Variants in IQCM observed in about 807,000 individuals in gnomAD.
IQCM encodes the protein IQ domain-containing protein M.
In IQCM, 45 loss-of-function variants were observed where a neutral mutation model predicts 57.6. That is an observed-to-expected ratio of 0.78 (90% CI 0.62 to 1.00). IQCM has a LOEUF of 1.00. Ranked by LOEUF, IQCM falls within the 50% of genes least tolerant of loss-of-function variation. IQCM has a pLI of 0.00. For synonymous variants in IQCM, 148 were observed against 158.9 expected (o/e 0.93, Z 0.51); for missense variants, 468 against 511.6 (o/e 0.91, Z 0.82).
intron 13 of IQCM, among the ~76,000 whole-genome samples, chr4:149,404,697 T>C (rs562891142): frequency 6.6e-6 from 1 of 152,182 alleles, no homozygotes; most frequent in East Asian, 1.9e-4. Context: ...TGACCATAGA[T>C]AGGACAGCGT....
In IQCM at chr4:149,770,487, TAAAAC is replaced by T. The variant is rs368250172; in HGVS notation, c.-48-27753_-48-27749del. Among the ~76,000 whole-genome samples the T allele has an allele frequency of 6.4e-3, 977 of 152,072 alleles. 11 individuals are homozygous for T. Among genetic ancestry groups the T allele is most frequent in the African/African-American group, 0.021 (892 of 41,518 alleles). ...AACCAGAGATACATTACAAGAAAAA[TAAAAC>T]AAAACCTATGGACGATATCCTTTAT... is the stretch of plus-strand genomic sequence containing the variant. On this transcript the variant is annotated intron_variant, in intron 2 of 13. Coordinates refer to ENST00000636793, the MANE Select transcript of IQCM (RefSeq NM_001363507.2).
chr4:149,778,021 T>G (rs1771254156), intron 2 of IQCM, among the ~76,000 whole-genome samples: 1 of 152,150 alleles, frequency 6.6e-6, no homozygotes, highest in Admixed American at 6.5e-5. Flanking sequence ...AACAATGTAC[T>G]TCTAGGTAAT....
chr4:149,738,729 T>C (rs955278355), intron 3 of IQCM, among the ~76,000 whole-genome samples: 1 of 152,140 alleles, frequency 6.6e-6, no homozygotes, highest in African/African-American at 2.4e-5. Context: ...AATGAAGTCA[T>C]GTGGACATTG....
At chr4:149,802,538 C>T (rs1296929161) in intron 2 of IQCM, among the ~76,000 whole-genome samples, 1 of 151,884 alleles carries the variant, frequency 6.6e-6, no homozygotes, top group Non-Finnish European at 1.5e-5. Flanking sequence ...TTTTTGCTCC[C>T]TTTGCCCTTG....
At chr4:149,431,363 G>T (rs934554921) in intron 13 of IQCM, among the ~76,000 whole-genome samples, 1 of 151,840 alleles carries the variant, frequency 6.6e-6, no homozygotes, top group Non-Finnish European at 1.5e-5. Context: ...AGCCATTTTT[G>T]TAGATATATA....
intron 12 of IQCM, among the ~76,000 whole-genome samples, chr4:149,509,072 A>G (rs1744135737): frequency 1.3e-5 from 2 of 152,300 alleles, no homozygotes; most frequent in East Asian, 3.9e-4. Flanking sequence ...AAATCCAATA[A>G]ACCTCTTTCT....
chr4:149,496,585 GGCA>G (rs1742683245), intron 12 of IQCM, among the ~76,000 whole-genome samples: 1 of 152,066 alleles, frequency 6.6e-6, no homozygotes, highest in Non-Finnish European at 1.5e-5. Flanking sequence ...CAAGAATGCA[GGCA>G]GCTCCTAGAA....
intron 12 of IQCM, among the ~76,000 whole-genome samples, chr4:149,492,092 C>T: frequency 6.6e-6 from 1 of 152,008 alleles, no homozygotes; most frequent in South Asian, 2.1e-4. Context: ...TGCCCATTTT[C>T]TTAATCTGGT....
chr4:149,669,732 G>T lies in IQCM; in HGVS notation c.565+12386C>A, dbSNP rs191450995. 1.9e-3 allele frequency among the ~76,000 whole-genome samples: 290 copies of T among 152,238 alleles called. 5 individuals carry two copies. The highest frequency in any genetic ancestry group is 6.7e-3 in the African/African-American group (279 of 41,556). On this transcript the variant is annotated intron_variant, in intron 7 of 13. Transcript: ENST00000636793. ...TTCCCAGCACCATTTATTAAATAGG[G>T]AATCCTTTCCCCATTGCTTGTTTTT...
intron 8 of IQCM, among the ~76,000 whole-genome samples, chr4:149,603,286 A>T (rs1754479583): frequency 6.6e-6 from 1 of 152,172 alleles, no homozygotes; most frequent in African/African-American, 2.4e-5. Context: ...ATGATAAAAG[A>T]CAAATGTTAA....
intron 5 of IQCM, among the ~76,000 whole-genome samples, chr4:149,701,635 GT>G (rs1763780914): frequency 6.6e-6 from 1 of 151,930 alleles, no homozygotes; most frequent in African/African-American, 2.4e-5. Flanking sequence ...ATACTTCACA[GT>G]TTTAGTGTCA....
chr4:149,599,697 A>G (rs888193617), intron 8 of IQCM, among the ~76,000 whole-genome samples: 1 of 152,148 alleles, frequency 6.6e-6, no homozygotes, highest in Non-Finnish European at 1.5e-5. Flanking sequence ...ACAACTTCCT[A>G]TAAGGTTATG....
chr4:149,592,598 A>G (rs1184835139), intron 8 of IQCM, among the ~76,000 whole-genome samples: 1 of 151,758 alleles, frequency 6.6e-6, no homozygotes, highest in Non-Finnish European at 1.5e-5. Flanking sequence ...TAGGTCTAAC[A>G]TTTAAGTCTT....
At chr4:149,672,836 A>G (rs373509025) in intron 7 of IQCM, among the ~76,000 whole-genome samples, 82 of 152,284 alleles carry the variant, frequency 5.4e-4, no homozygotes, top group East Asian at 5.0e-3. Context: ...CAGATTCACC[A>G]AAGTTGAAAT....
At chr4:149,670,940 C>CTT (rs57287015) in intron 7 of IQCM, among the ~76,000 whole-genome samples, 29,922 of 143,272 alleles carry the variant, frequency 0.21, 3,755 homozygotes, top group Non-Finnish European at 0.28. Flanking sequence ...AAAATTCTCT[C>CTT]TTTTTTTTTT....
chr4:149,501,347 G>C (rs919604946), intron 12 of IQCM, among the ~76,000 whole-genome samples: 1 of 152,044 alleles, frequency 6.6e-6, no homozygotes, highest in Admixed American at 6.6e-5. Context: ...GTATCTTGAG[G>C]GCCTGAAATA....
intron 13 of IQCM, among the ~76,000 whole-genome samples, chr4:149,416,809 A>T (rs1379794823): frequency 6.6e-6 from 1 of 152,180 alleles, no homozygotes; most frequent in Non-Finnish European, 1.5e-5. Flanking sequence ...GAAGATTATT[A>T]GACTTTAAAT....
intron 5 of IQCM, among the ~76,000 whole-genome samples, chr4:149,692,567 T>C (rs190254601): frequency 1.4e-4 from 21 of 152,268 alleles, no homozygotes; most frequent in East Asian, 9.7e-4. Flanking sequence ...CTATAGACCA[T>C]TGAGCTAAGT....
At chr4:149,657,626 A>T (rs746866340) in intron 7 of IQCM, among the ~76,000 whole-genome samples, 14 of 152,124 alleles carry the variant, frequency 9.2e-5, no homozygotes, top group Non-Finnish European at 1.9e-4. Flanking sequence ...TCCTACTAGC[A>T]GTATATAAGT....
Sources: allele counts gnomAD v4.1 joint callset (sites outside exome capture counted in the v4.1 genomes callset), GRCh38; gene constraint gnomAD v4.1.1; transcripts MANE v1.5; gene names NCBI Gene and HGNC (gene_info 2026-07-23, HGNC 2026-07-21).